Variants in MCUB observed in about 807,000 individuals in gnomAD.
MCUB encodes calcium uniporter regulatory subunit MCUb, mitochondrial.
MCUB carries 46 observed loss-of-function variants against 41.4 expected under a neutral mutation model. That is an observed-to-expected ratio of 1.11 (90% confidence interval 0.88 to 1.42). MCUB has a LOEUF of 1.42. Among genes scored for constraint, MCUB ranks in the 40% most tolerant of loss-of-function variants. The probability of loss-of-function intolerance (pLI) is 0.00; values close to 1 mark genes in which losing one functional copy is unlikely to be tolerated. For synonymous variants in MCUB, 148 were observed against 148.2 expected, an observed-to-expected ratio of 1.00 and a Z score of 0.01; for missense variants, 403 against 404.9, an observed-to-expected ratio of 1.00 and a Z score of 0.04.
intron 4 of MCUB, among the ~76,000 whole-genome samples, chr4:109,667,633 G>A (rs761148242): frequency 1.3e-5 from 2 of 148,424 alleles, no homozygotes; most frequent in Non-Finnish European, 3.0e-5. Flanking sequence ...ATTATGTAGA[G>A]TATATTATAT....
At chr4:109,632,615 CTTT>C (rs33926597) in intron 1 of MCUB, among the ~76,000 whole-genome samples, 5 of 116,972 alleles carry the variant, frequency 4.3e-5, no homozygotes, top group Non-Finnish European at 8.3e-5. Flanking sequence ...TCTGTCATTG[CTTT>C]TTTTTTTTTT....
chr4:109,604,407 A>T (rs1232250823), intron 1 of MCUB, among the ~76,000 whole-genome samples: 1 of 152,140 alleles, frequency 6.6e-6, no homozygotes. Flanking sequence ...AAAAAAAAAT[A>T]GTTTTTTGGT....
intron 1 of MCUB, among the ~76,000 whole-genome samples, chr4:109,610,916 C>T (rs1364525733): frequency 1.3e-5 from 2 of 152,136 alleles, no homozygotes; most frequent in African/African-American, 4.8e-5. Context: ...TGAGTATCTT[C>T]TCCCGTACCC....
chr4:109,662,919 G>T (rs941855880), intron 3 of MCUB, among the ~76,000 whole-genome samples: 1 of 152,200 alleles, frequency 6.6e-6, no homozygotes, highest in Non-Finnish European at 1.5e-5. Flanking sequence ...TTTGCCCATT[G>T]TGTGGGTTGA....
intron 1 of MCUB, among the ~76,000 whole-genome samples, chr4:109,577,031 T>C (rs1385170011): frequency 6.6e-6 from 1 of 152,174 alleles, no homozygotes; most frequent in Admixed American, 6.5e-5. Context: ...TTTGTATTTT[T>C]AGTAGAGCCA....
At chr4:109,597,197 T>C (rs1579056802) in intron 1 of MCUB, among the ~76,000 whole-genome samples, 1 of 152,248 alleles carries the variant, frequency 6.6e-6, no homozygotes, top group Middle Eastern at 3.4e-3. Flanking sequence ...CCCCTTTCTA[T>C]TCCACAAAGC....
In MCUB at chr4:109,582,295, C is replaced by T. The variant is rs369504998; in HGVS notation, c.99+21859C>T. On this transcript the variant is annotated intron_variant, in intron 1 of 7. Transcript: ENST00000394650. ...TGCAAGGACAAAAAACCAAACACCG[C>T]ATGTTCTCACTCATAGGTGGGAATT... 1.2e-4 allele frequency among the ~76,000 whole-genome samples: 18 copies of T among 145,658 alleles called. No individual in the cohort carries two copies. In the East Asian group the frequency reaches 3.5e-3, roughly 28 times the overall value.
chr4:109,648,788 T>C (rs1490519607), intron 1 of MCUB: 3 of 322,154 alleles, frequency 9.3e-6, no homozygotes, highest in African/African-American at 4.5e-5. Context: ...AAGATCATGA[T>C]GCACCACAGG....
intron 1 of MCUB, among the ~76,000 whole-genome samples, chr4:109,579,732 C>CCATGT (rs1198513870): frequency 2.3e-4 from 35 of 152,142 alleles, no homozygotes; most frequent in African/African-American, 8.4e-4. Context: ...CTGACCACTG[C>CCATGT]CATGTAGAAA....
chr4:109,636,975 T>G (rs1416330010), intron 1 of MCUB, among the ~76,000 whole-genome samples: 1 of 152,016 alleles, frequency 6.6e-6, no homozygotes, highest in Non-Finnish European at 1.5e-5. Flanking sequence ...TTTAGTGAAA[T>G]GATGGGGCAG....
intron 1 of MCUB, among the ~76,000 whole-genome samples, chr4:109,609,984 A>G (rs942950212): frequency 1.3e-5 from 2 of 152,142 alleles, no homozygotes; most frequent in Admixed American, 6.5e-5. Flanking sequence ...CACTCAAACC[A>G]CAAGACAAAG....
chr4:109,604,191 C>G (rs1727816990), intron 1 of MCUB, among the ~76,000 whole-genome samples: 1 of 151,620 alleles, frequency 6.6e-6, no homozygotes, highest in African/African-American at 2.4e-5. Flanking sequence ...AGGCAGCATG[C>G]TCGTTAAGAG....
Position 109,659,011 on chromosome 4 carries a change from G to A in MCUB, c.100G>A (p.Val34Ile). Reference protein sequence around the residue: ...RPWPLPPPPQVLRVKLCGNVK... With the variant: ...RPWPLPPPPQILRVKLCGNVK... ...ACAAATTAATTTTTCCTTCTTGTAG[G>A]TTTTGCGTGTGAAGCTGTGTGGAAA... Residue 34 changes from valine to isoleucine, a missense_variant and splice_region_variant, in exon 2 of 8, where the codon GTT becomes ATT. By Grantham distance (29) the Val-to-Ile change is conservative. Transcript: ENST00000394650. 6.6e-7 allele frequency: 1 copy of A among 1,520,948 alleles called. No individual in the cohort carries two copies. Among genetic ancestry groups the A allele is most frequent in the Non-Finnish European group, 8.9e-7 (1 of 1,119,606 alleles). 94.2% of individuals were successfully genotyped at this position (1,520,948 alleles called of 1,614,324 possible).
intron 1 of MCUB, among the ~76,000 whole-genome samples, chr4:109,563,472 G>T (rs1472034729): frequency 6.6e-6 from 1 of 152,016 alleles, no homozygotes; most frequent in African/African-American, 2.4e-5. Flanking sequence ...TTTGCAGTTG[G>T]TACATTGTAT....
intron 1 of MCUB, among the ~76,000 whole-genome samples, chr4:109,644,063 T>A (rs1728778971): frequency 6.6e-6 from 1 of 152,108 alleles, no homozygotes; most frequent in Admixed American, 6.5e-5. Flanking sequence ...AGTGGATTCT[T>A]AGAAAATGTG....
intron 1 of MCUB, among the ~76,000 whole-genome samples, chr4:109,612,474 C>T (rs1300091098): frequency 6.6e-6 from 1 of 151,960 alleles, no homozygotes; most frequent in Non-Finnish European, 1.5e-5. Context: ...CCATGTTGGC[C>T]AGGCTGGTCT....
intron 5 of MCUB, among the ~76,000 whole-genome samples, chr4:109,683,770 G>A (rs989891453): frequency 1.3e-5 from 2 of 152,194 alleles, no homozygotes; most frequent in African/African-American, 2.4e-5. Flanking sequence ...TCTGTAATGG[G>A]TTTTGTGTAT....
intron 4 of MCUB, among the ~76,000 whole-genome samples, chr4:109,676,175 G>A (rs1378197665): frequency 6.6e-6 from 1 of 152,132 alleles, no homozygotes; most frequent in Non-Finnish European, 1.5e-5. Flanking sequence ...GCTCGGAAGA[G>A]AATAGCTGTA....
At chr4:109,652,186 AT>A (rs1728976940) in intron 1 of MCUB, among the ~76,000 whole-genome samples, 1 of 152,188 alleles carries the variant, frequency 6.6e-6, no homozygotes, top group East Asian at 1.9e-4. Context: ...TAATGACCTC[AT>A]TTTAACTTAA....
Sources: allele counts gnomAD v4.1 joint callset (sites outside exome capture counted in the v4.1 genomes callset), GRCh38; gene constraint gnomAD v4.1.1; transcripts MANE v1.5; gene names NCBI Gene and HGNC (gene_info 2026-07-23, HGNC 2026-07-21).